Variants in C14orf39 observed in about 807,000 individuals in gnomAD.
C14orf39 encodes chromosome 14 open reading frame 39, also known as protein SIX6OS1.
C14orf39 carries 66 observed loss-of-function variants against 85.6 expected under a neutral mutation model. That is an observed-to-expected ratio of 0.77 (90% confidence interval 0.63 to 0.95). The LOEUF is 0.95. Ranked by LOEUF, C14orf39 falls within the 40% of genes least tolerant of loss-of-function variation. The probability of loss-of-function intolerance (pLI) is 0.00; values close to 1 mark genes in which losing one functional copy is unlikely to be tolerated. For missense variants in C14orf39, 735 were observed against 663.9 expected (o/e 1.11, Z -1.18); for synonymous variants, 242 against 214.0 (o/e 1.13, Z -1.14).
chr14:60,481,512 TA>T (rs1424742345), intron 4 of C14orf39, among the ~76,000 whole-genome samples: 1 of 152,140 alleles, frequency 6.6e-6, no homozygotes, highest in Non-Finnish European at 1.5e-5. Context: ...AAATCATGCT[TA>T]TTTTTAAAGC....
Position 60,515,097 on chromosome 14 carries a change from G to C in C14orf39, c.-144+298C>G, listed in dbSNP as rs1230310310. On this transcript the variant is annotated intron_variant, in intron 1 of 5. Transcript: ENST00000556799. This position sits in a 1 kb window ranked among gnomAD's most constrained non-coding sequence, Gnocchi z 6.2. Reference sequence around the variant, plus strand: ...GGGGTCATTGTCCGCGCGCTGGCCCGGGCGCCGAGGCGTGTCCCTGCCTGC... The same window carrying C: ...GGGGTCATTGTCCGCGCGCTGGCCCCGGCGCCGAGGCGTGTCCCTGCCTGC... 1.3e-5 allele frequency: 2 copies of C among 152,204 alleles called. No individual in the cohort carries two copies. The highest frequency in any genetic ancestry group is 1.3e-4 in the Admixed American group (2 of 15,286). The allele number at this position is 152,204 out of a possible 1,614,324, so 9.4% of individuals were successfully genotyped here.
At chr14:60,465,104 T>TA (rs927797680) in intron 11 of C14orf39, among the ~76,000 whole-genome samples, 1 of 152,148 alleles carries the variant, frequency 6.6e-6, no homozygotes, top group Non-Finnish European at 1.5e-5. Context: ...CCTCTATCCT[T>TA]AAATAAAAAA....
intron 1 of C14orf39, among the ~76,000 whole-genome samples, chr14:60,504,635 G>C (rs1257424481): frequency 6.6e-6 from 1 of 152,162 alleles, no homozygotes; most frequent in African/African-American, 2.4e-5. Context: ...ACATTTTTTA[G>C]CACTAATCCT....
chr14:60,481,180 A>G (rs1432034823), intron 4 of C14orf39, among the ~76,000 whole-genome samples: 1 of 152,238 alleles, frequency 6.6e-6, no homozygotes, highest in Non-Finnish European at 1.5e-5. Flanking sequence ...CAATGTACAC[A>G]TAGATCAAAA....
At chr14:60,464,529 A>G (rs1048382719) in intron 11 of C14orf39, among the ~76,000 whole-genome samples, 4 of 152,072 alleles carry the variant, frequency 2.6e-5, no homozygotes, top group Admixed American at 2.0e-4. Context: ...TGCTTTACAT[A>G]TTTTGAAACT....
chr14:60,511,460 G>A (rs1893293873), intron 1 of C14orf39: 1 of 652,936 alleles, frequency 1.5e-6, no homozygotes, highest in Non-Finnish European at 2.7e-6. Context: ...ACGGGAACCA[G>A]CGGTGAGGCC....
At chr14:60,506,662 T>C (rs1204610469) in intron 1 of C14orf39, among the ~76,000 whole-genome samples, 1 of 152,170 alleles carries the variant, frequency 6.6e-6, no homozygotes, top group African/African-American at 2.4e-5. Flanking sequence ...GATCTCCTGA[T>C]AGTAGTCCCC....
At chr14:60,489,823 T>C (rs1300898327), upstream of C14orf39, among the ~76,000 whole-genome samples, 1 of 152,206 alleles carries the variant, frequency 6.6e-6, no homozygotes, top group Non-Finnish European at 1.5e-5. Context: ...GTCAACATCA[T>C]ATTTCTCTCA....
rs1392411476 is a variant in C14orf39 at position 60,461,338 on chromosome 14, T to C, written c.1117+16A>G. ...TTACCCCGACTTCTTAGAAGAAAAATATAAACGGCAAATACCTTTATCCCC... is the reference window on the plus strand; with the variant it reads ...TTACCCCGACTTCTTAGAAGAAAAACATAAACGGCAAATACCTTTATCCCC... On this transcript the variant is annotated intron_variant, in intron 13 of 17. Coordinates refer to ENST00000321731, the MANE Select transcript of C14orf39 (RefSeq NM_174978.3). 6.2e-7 allele frequency: 1 copy of C among 1,605,264 alleles called. No individual in the cohort carries two copies. The highest frequency in any genetic ancestry group is 8.5e-7 in the Non-Finnish European group (1 of 1,174,428).
At chr14:60,469,774 G>A (rs914491314) in intron 7 of C14orf39, 121 bp from the exon 8 acceptor site, 1 of 458,166 alleles carries the variant, frequency 2.2e-6, no homozygotes, top group Non-Finnish European at 3.5e-6. Flanking sequence ...TAAACAGTAA[G>A]CAATATTAAA....
chr14:60,479,052 T>TC (rs1374926811), intron 4 of C14orf39, among the ~76,000 whole-genome samples: 1 of 152,126 alleles, frequency 6.6e-6, no homozygotes, highest in Non-Finnish European at 1.5e-5. Flanking sequence ...AACTTTTTTT[T>TC]CAGATTCAAA....
At chr14:60,511,168 C>T in intron 1 of C14orf39, 2 of 1,612,434 alleles carry the variant, frequency 1.2e-6, no homozygotes, top group Non-Finnish European at 8.5e-7. Flanking sequence ...TGGGCGTCGC[C>T]ACCAGCCCGG....
chr14:60,471,744 T>A lies in C14orf39; in HGVS notation c.324-5A>T. 1 of 1,459,062 alleles carries A rather than the reference T, an allele frequency of 6.9e-7. No homozygotes were observed. Among genetic ancestry groups the A allele is most frequent in the Non-Finnish European group, 9.3e-7 (1 of 1,071,406 alleles). The allele number at this position is 1,459,062 out of a possible 1,614,324, so 90.4% of individuals were successfully genotyped here. On this transcript the variant is annotated splice_polypyrimidine_tract_variant and splice_region_variant and intron_variant, in intron 5 of 17. Transcript: ENST00000321731. ...ATATAATCATGATACATTTCTCTGT[T>A]AAAATTAAAAGAAATGATGTTTATA...
At position 60,455,093 on chromosome 14, in the gene C14orf39, C is replaced by T. The variant is rs1403931044; in HGVS notation, c.1411G>A (p.Gly471Arg). 1 of 1,573,116 alleles carries T rather than the reference C, an allele frequency of 6.4e-7. No homozygotes were observed. The highest frequency in any genetic ancestry group is 8.6e-7 in the Non-Finnish European group (1 of 1,165,660). Reference protein sequence around the residue: ...PEVQTEKESPGLSFLMSYTSR... With the variant: ...PEVQTEKESPRLSFLMSYTSR... ...GTATAACTCATAAGAAAAGAAAGTCCAGGGGATTCCTTTTCTGTTTGAACT... is the reference window on the plus strand; with the variant it reads ...GTATAACTCATAAGAAAAGAAAGTCTAGGGGATTCCTTTTCTGTTTGAACT... The change falls in exon 16 of 18, where the codon GGA becomes AGA. Residue 471 changes from glycine to arginine, a missense_variant. Transcript: ENST00000321731.
intron 5 of C14orf39, among the ~76,000 whole-genome samples, chr14:60,476,117 C>A (rs1202881452): frequency 1.3e-5 from 2 of 152,202 alleles, no homozygotes; most frequent in Non-Finnish European, 2.9e-5. Flanking sequence ...GAGCCCCAAA[C>A]AAGCTCCTAT....
chr14:60,474,666 T>C (rs1182937013), intron 5 of C14orf39, among the ~76,000 whole-genome samples: 1 of 151,936 alleles, frequency 6.6e-6, no homozygotes, highest in Non-Finnish European at 1.5e-5. Context: ...AATCATGTGG[T>C]TTTTGTTGTT....
chr14:60,480,267 C>T (rs1892575380), intron 4 of C14orf39, among the ~76,000 whole-genome samples: 1 of 151,926 alleles, frequency 6.6e-6, no homozygotes, highest in Admixed American at 6.6e-5. Flanking sequence ...ATTAAAAATA[C>T]AAAAATTAGC....
chr14:60,503,096 C>T (rs910863694), intron 1 of C14orf39, among the ~76,000 whole-genome samples: 10 of 152,272 alleles, frequency 6.6e-5, no homozygotes, highest in Middle Eastern at 6.8e-3. Flanking sequence ...CCAAGCTTTA[C>T]GACACCTCAA....
At chr14:60,486,608 CT>C (rs1892899321), upstream of C14orf39, among the ~76,000 whole-genome samples, 1 of 152,120 alleles carries the variant, frequency 6.6e-6, no homozygotes, top group African/African-American at 2.4e-5. Flanking sequence ...CTTTGTCTGC[CT>C]ATCCAAAGTG....
Sources: allele counts gnomAD v4.1 joint callset (sites outside exome capture counted in the v4.1 genomes callset), GRCh38; gene constraint gnomAD v4.1.1; non-coding constraint Gnocchi (gnomAD v3.1); transcripts MANE v1.5; gene names NCBI Gene and HGNC (gene_info 2026-07-23, HGNC 2026-07-21).